RNF126: variants seen among roughly 807,000 people sequenced by gnomAD.
RNF126 encodes E3 ubiquitin-protein ligase RNF126.
A neutral mutation model predicts 41.9 loss-of-function variants in RNF126; 20 were observed. That is an observed-to-expected ratio of 0.48 (90% CI 0.34 to 0.69). The LOEUF is 0.69. Ranked by LOEUF, RNF126 falls within the 30% of genes least tolerant of loss-of-function variation. RNF126 has a pLI of 0.01. For missense variants in RNF126, 433 were observed against 460.6 expected (o/e 0.94, Z 0.55); for synonymous variants, 239 against 202.9 (o/e 1.18, Z -1.51).
intron 1 of RNF126, among the ~76,000 whole-genome samples, chr19:655,524 G>A (rs991014652): frequency 6.6e-6 from 1 of 151,892 alleles, no homozygotes; most frequent in Non-Finnish European, 1.5e-5. Context: ...GACGTGTACA[G>A]GACATGCCTC....
chr19:659,358 G>C lies in RNF126; in HGVS notation c.75+3689C>G, dbSNP rs1000649645. Among the ~76,000 whole-genome samples the C allele has an allele frequency of 6.6e-6, 1 of 152,008 alleles. No individual in the cohort carries two copies. The highest frequency in any genetic ancestry group is 2.4e-5 in the African/African-American group (1 of 41,376). Reference sequence around the variant, plus strand: ...TTCCTGGTGGCTCCCCGCCCACGCCGGCTCTTCCCCGCCACCGTGGGCGGC... The same window carrying C: ...TTCCTGGTGGCTCCCCGCCCACGCCCGCTCTTCCCCGCCACCGTGGGCGGC... On this transcript the variant is annotated intron_variant, in intron 1 of 8. Transcript: ENST00000292363. The surrounding 1 kb of genome is among the most constrained non-coding windows in gnomAD (Gnocchi z 4.9).
At chr19:654,460 TG>T (rs1568192630) in intron 1 of RNF126, among the ~76,000 whole-genome samples, 1 of 150,300 alleles carries the variant, frequency 6.7e-6, no homozygotes, top group Non-Finnish European at 1.5e-5. Flanking sequence ...CTGGCCAACA[TG>T]GTGAAACTCT....
chr19:654,621 C>T (rs1316326243), intron 1 of RNF126, among the ~76,000 whole-genome samples: 7 of 115,730 alleles, frequency 6.0e-5, no homozygotes, highest in South Asian at 2.9e-4. Context: ...GCAGCCTGGG[C>T]GAGGGAGCAA....
At chr19:652,985 G>T in intron 1 of RNF126, 101 bp from the exon 2 acceptor site, 3 of 1,153,710 alleles carry the variant, frequency 2.6e-6, no homozygotes, top group Non-Finnish European at 3.8e-6. Flanking sequence ...GCGGTCTCTG[G>T]CTGGCCAGGC....
At chr19:649,813 C>A in intron 5 of RNF126, 65 bp from the exon 6 acceptor site, 1 of 1,319,282 alleles carries the variant, frequency 7.6e-7, no homozygotes. Flanking sequence ...CTATCCACCC[C>A]ACTCACCAGG....
At chr19:651,951 C>T (rs779783705) in intron 3 of RNF126, 96 bp from the exon 4 acceptor site, 2 of 1,194,032 alleles carry the variant, frequency 1.7e-6, no homozygotes, top group Admixed American at 2.3e-5. Context: ...GCAAGACGGG[C>T]CCTGCTGGGT....
In RNF126 at chr19:656,307, A is replaced by T. The variant is rs552432161; in HGVS notation, c.76-3423T>A. On this transcript the variant is annotated intron_variant, in intron 1 of 8. Transcript: ENST00000292363. ...GGAGGCTGCAGTGAGCCAAGATTGC[A>T]GCAACAGAGTGAGGCAGCATCTCAA... Among the ~76,000 whole-genome samples the T allele has an allele frequency of 3.9e-5, 6 of 152,192 alleles. No homozygotes were observed. In the South Asian group the frequency reaches 1.2e-3, roughly 32 times the overall value.
Position 648,932 on chromosome 19 carries a change from T to C in RNF126, c.620A>G (p.Lys207Arg). Residue 207 changes from lysine to arginine, a missense_variant, in exon 7 of 9, where the codon AAA becomes AGA. Transcript: ENST00000292363. ...GGTGGGGAGGGCCTGGATTTTCTCT[T>C]TATCTGCCGGTGGGGGGCCTGTGTT... ...FENTGPPPAD[K>R]EKIQALPTVP... is the part of the protein sequence containing the mutation. 7.1e-7 allele frequency: 1 copy of C among 1,414,080 alleles called. No individual in the cohort carries two copies. Among genetic ancestry groups the C allele is most frequent in the Non-Finnish European group, 9.2e-7 (1 of 1,081,786 alleles). 87.6% of individuals were successfully genotyped at this position (1,414,080 alleles called of 1,614,324 possible). A position where few individuals can be genotyped will look rare whatever the true frequency, so the allele number is the denominator to read the frequency against.
At chr19:652,723 A>G in intron 2 of RNF126, 103 bp downstream of exon 2, 1 of 1,031,814 alleles carries the variant, frequency 9.7e-7, no homozygotes, top group Non-Finnish European at 1.5e-6. Flanking sequence ...CCAGGGCCTG[A>G]CGGCCCCACA....
chr19:652,602 G>A (rs1217459111), intron 2 of RNF126: 11 of 608,846 alleles, frequency 1.8e-5, no homozygotes, highest in Non-Finnish European at 3.2e-5. Flanking sequence ...TGAGGGAGGT[G>A]AGCGGCTGCA....
Position 652,900 on chromosome 19 carries a change from GGAGGCCGGGTCACGGT to G in RNF126, c.76-32_76-17del. ...AGATATAATCCTGCAGGAGAGAACA[GGAGGCCGGGTCACGGT>G]GACGCCGGCATCACCTGCAAACCCC... is the stretch of plus-strand genomic sequence containing the variant. On this transcript the variant is annotated splice_polypyrimidine_tract_variant and intron_variant, in intron 1 of 8. Transcript: ENST00000292363. The G allele has an allele frequency of 3.1e-6, 5 of 1,611,236 alleles. No individual in the cohort carries two copies. The highest frequency in any genetic ancestry group is 4.2e-6 in the Non-Finnish European group (5 of 1,178,786).
At chr19:649,474 C>T (rs977972829) in intron 6 of RNF126, 1 of 581,404 alleles carries the variant, frequency 1.7e-6, no homozygotes, top group Non-Finnish European at 3.1e-6. Flanking sequence ...CGCGTGAACA[C>T]AGGAGAACCC....
intron 1 of RNF126, among the ~76,000 whole-genome samples, chr19:662,675 C>T (rs1465635766): frequency 2.6e-5 from 4 of 152,160 alleles, no homozygotes; most frequent in African/African-American, 9.7e-5. Flanking sequence ...CTCTGCTCGC[C>T]GGGCCTCAGT....
chr19:653,703 T>C (rs78159499), intron 1 of RNF126, among the ~76,000 whole-genome samples: 1,891 of 152,148 alleles, frequency 0.012, 98 homozygotes, highest in Admixed American at 0.087. Context: ...CACCAGGGGC[T>C]GGGCAGATGC....
At chr19:661,372 T>G (rs549846901) in intron 1 of RNF126, 7 of 152,548 alleles carry the variant, frequency 4.6e-5, no homozygotes, top group African/African-American at 1.7e-4. Flanking sequence ...TGGCGGGCTG[T>G]CAGGCAACCA....
At chr19:653,096 G>A (rs762797606) in intron 1 of RNF126, among the ~76,000 whole-genome samples, 164 of 152,168 alleles carry the variant, frequency 1.1e-3, no homozygotes, top group Middle Eastern at 3.4e-3. Flanking sequence ...GGCTCCCGGC[G>A]ATCTGAGCCC....
intron 1 of RNF126, among the ~76,000 whole-genome samples, chr19:660,561 CTT>C (rs1235922690): frequency 2.6e-5 from 4 of 152,216 alleles, no homozygotes; most frequent in Non-Finnish European, 4.4e-5. Context: ...TGGCTGGGGA[CTT>C]TCCCCATTGC....
intron 6 of RNF126, chr19:649,263 G>C (rs980155194): frequency 1.5e-5 from 5 of 324,888 alleles, no homozygotes; most frequent in Non-Finnish European, 2.8e-5. Flanking sequence ...CGGCGGAATG[G>C]GGGGGCCGTG....
rs954422681 is a variant in RNF126 at position 656,931 on chromosome 19, G to A, written c.76-4047C>T. Reference sequence around the variant, plus strand: ...CGCCGTCCGCCCGCCAGCTGACCGGGAGCCCAGGGCCGCTCCATCGCCTGG... The same window carrying A: ...CGCCGTCCGCCCGCCAGCTGACCGGAAGCCCAGGGCCGCTCCATCGCCTGG... On this transcript the variant is annotated intron_variant, in intron 1 of 8. Transcript: ENST00000292363. Among the ~76,000 whole-genome samples, 5 of 152,176 alleles carry A rather than the reference G, an allele frequency of 3.3e-5. No individual in the cohort carries two copies. The East Asian group carries it at 9.6e-4, about 29-fold the overall frequency.
Sources: gnomAD v4.1 joint callset for allele counts (sites outside exome capture counted in the v4.1 genomes callset) on GRCh38, gnomAD v4.1.1 for gene constraint, Gnocchi (gnomAD v3.1) non-coding constraint, MANE v1.5 for transcripts, NCBI Gene and HGNC (gene_info 2026-07-23, HGNC 2026-07-21) for gene names.